The following SEZ6L variants were observed in gnomAD, a reference collection of about 807,000 sequenced individuals.
SEZ6L encodes seizure related 6 homolog like.
SEZ6L carries 37 observed loss-of-function variants against 106.2 expected under a neutral mutation model. That is an observed-to-expected ratio of 0.35 (90% CI 0.27 to 0.46). The LOEUF (loss-of-function observed/expected upper bound fraction) is 0.46, where lower values mean the gene tolerates loss of function less well. Ranked by LOEUF, SEZ6L falls within the 20% of genes least tolerant of loss-of-function variation. The pLI, the probability that SEZ6L is intolerant of heterozygous loss-of-function variation, is 1.00. For missense variants in SEZ6L, 1,172 were observed against 1,332.8 expected, an observed-to-expected ratio of 0.88 and a Z score of 1.88; for synonymous variants, 541 against 570.4, an observed-to-expected ratio of 0.95 and a Z score of 0.73.
chr22:26,323,248 G>C (rs576174634), intron 9 of SEZ6L, among the ~76,000 whole-genome samples: 1 of 152,344 alleles, frequency 6.6e-6, no homozygotes, highest in African/African-American at 2.4e-5. Flanking sequence ...TATTGAAGGT[G>C]CTGGTGCCTG....
chr22:26,175,596 C>T (rs950185992), intron 1 of SEZ6L, among the ~76,000 whole-genome samples: 3 of 152,062 alleles, frequency 2.0e-5, no homozygotes, highest in African/African-American at 4.8e-5. Context: ...AAAAGATGAA[C>T]ATAGGGATTA....
intron 5 of SEZ6L, among the ~76,000 whole-genome samples, chr22:26,303,914 T>C (rs925150021): frequency 3.3e-5 from 5 of 152,154 alleles, no homozygotes; most frequent in Admixed American, 2.0e-4. Context: ...TCATAAAAGA[T>C]AGAAATGGCT....
chr22:26,356,422 A>ACC (rs1414022189), intron 12 of SEZ6L, among the ~76,000 whole-genome samples: 1 of 151,780 alleles, frequency 6.6e-6, no homozygotes, highest in Non-Finnish European at 1.5e-5. Flanking sequence ...CGGGCAGATT[A>ACC]CCTGAGGTCA....
intron 1 of SEZ6L, among the ~76,000 whole-genome samples, chr22:26,221,128 A>G (rs576091749): frequency 1.3e-5 from 2 of 152,272 alleles, no homozygotes; most frequent in South Asian, 4.2e-4. Flanking sequence ...GAACAAATAA[A>G]GTATTAAATA....
At chr22:26,223,084 C>T (rs2078526869) in intron 1 of SEZ6L, among the ~76,000 whole-genome samples, 1 of 152,118 alleles carries the variant, frequency 6.6e-6, no homozygotes, top group African/African-American at 2.4e-5. Context: ...GTTGTGACAT[C>T]TTTGTGGCCA....
At chr22:26,260,048 T>C (rs769495508) in intron 1 of SEZ6L, among the ~76,000 whole-genome samples, 3 of 152,204 alleles carry the variant, frequency 2.0e-5, no homozygotes, top group Non-Finnish European at 4.4e-5. Flanking sequence ...ATTAATCTAA[T>C]AGAGGAATAA....
chr22:26,371,135 G>A (rs2084021453), intron 13 of SEZ6L, among the ~76,000 whole-genome samples: 1 of 151,910 alleles, frequency 6.6e-6, no homozygotes, highest in Non-Finnish European at 1.5e-5. Context: ...TTGTTCCCCA[G>A]TGCATTCAGC....
At chr22:26,237,727 C>T (rs1012295135) in intron 1 of SEZ6L, among the ~76,000 whole-genome samples, 1 of 152,180 alleles carries the variant, frequency 6.6e-6, no homozygotes, top group Non-Finnish European at 1.5e-5. Flanking sequence ...ATGGTTAGGG[C>T]TACTGAGGCA....
Position 26,299,049 on chromosome 22 carries a change from C to A in SEZ6L, c.1228C>A (p.His410Asn), listed in dbSNP as rs776927721. 2 of 1,607,614 alleles carry A rather than the reference C, an allele frequency of 1.2e-6. No individual in the cohort carries two copies. The highest frequency in any genetic ancestry group is 2.2e-5 in the South Asian group (2 of 89,824). ...TGGGGATGTCACGGTGATGGACCTG[C>A]ACTCAGGTGGGGTGGCCCACTTTCA... ...DSGDVTVMDL[H>N]SGGVAHFHCH... The change falls in exon 5 of 17, where the codon CAC (histidine) becomes AAC (asparagine). Residue 410 changes from histidine (H) to asparagine (N), a missense_variant. His to Asn is a moderately conservative substitution (Grantham distance 68, BLOSUM62 1). Around this residue, in one of 4 missense-constraint regions of SEZ6L, gnomAD observed 534 missense variants for 691.0 expected, o/e 0.77. Transcript: ENST00000248933.
chr22:26,316,662 C>T (rs191714358), intron 9 of SEZ6L, among the ~76,000 whole-genome samples: 241 of 151,862 alleles, frequency 1.6e-3, no homozygotes, highest in African/African-American at 5.7e-3. Context: ...TGAAACACCG[C>T]CTCTACTAAA....
chr22:26,220,301 C>G (rs1465116554), intron 1 of SEZ6L, among the ~76,000 whole-genome samples: 1 of 152,204 alleles, frequency 6.6e-6, no homozygotes, highest in Non-Finnish European at 1.5e-5. Flanking sequence ...ACAAGACTGG[C>G]AAAACCCTGC....
chr22:26,174,055 A>G (rs1938808951), intron 1 of SEZ6L, among the ~76,000 whole-genome samples: 1 of 152,216 alleles, frequency 6.6e-6, no homozygotes, highest in African/African-American at 2.4e-5. Flanking sequence ...GTACTATAAT[A>G]TGATAAGGCT....
chr22:26,340,896 C>T (rs532320249), intron 10 of SEZ6L, among the ~76,000 whole-genome samples: 113 of 152,064 alleles, frequency 7.4e-4, no homozygotes, highest in African/African-American at 2.7e-3. Context: ...GTAAGATGGG[C>T]ATAGTGATAC....
Position 26,310,798 on chromosome 22 carries a change from A to G in SEZ6L, c.1643A>G (p.Gln548Arg). Residue 548 changes from glutamine to arginine, a missense_variant, in exon 7 of 17, where the codon CAG (glutamine) becomes CGG (arginine). Physicochemically the swap from Gln to Arg is conservative, Grantham distance 43. Transcript: ENST00000248933. ...NTIRIEFTSD[Q>R]ARAASTFNIR... ...ATCCGCATCGAGTTCACGTCCGACC[A>G]GGCCCGGGCGGCCTCCACCTTCAAC... 1 of 1,614,116 alleles carries G rather than the reference A, an allele frequency of 6.2e-7. No homozygotes were observed. Among genetic ancestry groups the G allele is most frequent in the Non-Finnish European group, 8.5e-7 (1 of 1,180,018 alleles).
chr22:26,214,852 G>A (rs894583570), intron 1 of SEZ6L, among the ~76,000 whole-genome samples: 8 of 152,116 alleles, frequency 5.3e-5, no homozygotes, highest in African/African-American at 1.9e-4. Context: ...TGGTGGGCAT[G>A]GCATTGATCA....
At chr22:26,317,107 G>A (rs578225262) in intron 9 of SEZ6L, among the ~76,000 whole-genome samples, 6 of 152,210 alleles carry the variant, frequency 3.9e-5, no homozygotes, top group African/African-American at 1.4e-4. Flanking sequence ...AGCAAAGCAT[G>A]GCAGGTGGGT....
intron 12 of SEZ6L, among the ~76,000 whole-genome samples, chr22:26,356,306 C>T (rs1387417780): frequency 6.6e-6 from 1 of 152,106 alleles, no homozygotes; most frequent in Non-Finnish European, 1.5e-5. Context: ...AAAAGTAATG[C>T]ACATACATTA....
intron 1 of SEZ6L, among the ~76,000 whole-genome samples, chr22:26,237,813 AT>A (rs552131962): frequency 1.2e-4 from 18 of 150,452 alleles, no homozygotes; most frequent in South Asian, 4.2e-4. Flanking sequence ...AATGATTTGG[AT>A]TTTTTTTTTA....
At chr22:26,312,510 CTT>C (rs1046164140) in intron 8 of SEZ6L, among the ~76,000 whole-genome samples, 3 of 152,020 alleles carry the variant, frequency 2.0e-5, no homozygotes, top group African/African-American at 4.8e-5. Flanking sequence ...ACTCATGTCT[CTT>C]TGTTCTCAGA....
Sources: gnomAD v4.1 joint callset for allele counts (sites outside exome capture counted in the v4.1 genomes callset) on GRCh38, gnomAD v4.1.1 for gene constraint, gnomAD v4.1.1 regional missense constraint, MANE v1.5 for transcripts, NCBI Gene and HGNC (gene_info 2026-07-23, HGNC 2026-07-21) for gene names.